The following SAMD4A variants were observed in gnomAD, a reference collection of about 807,000 sequenced individuals.
SAMD4A encodes the protein protein Smaug homolog 1.
In SAMD4A, 33 loss-of-function variants were observed where a neutral mutation model predicts 81.3. The observed-to-expected ratio is 0.41, with a 90% CI of 0.31 to 0.54. SAMD4A has a LOEUF of 0.54. Among genes scored for constraint, SAMD4A ranks in the 20% least tolerant of loss-of-function variants. The probability of loss-of-function intolerance (pLI) is 0.37; values close to 1 mark genes in which losing one functional copy is unlikely to be tolerated. For synonymous variants in SAMD4A, 389 were observed against 382.1 expected, an observed-to-expected ratio of 1.02 and a Z score of -0.21; for missense variants, 854 against 951.1, an observed-to-expected ratio of 0.90 and a Z score of 1.34.
chr14:54,784,768 C>CT (rs537530258), intron 12 of SAMD4A, 148 bp downstream of exon 12: 28 of 731,492 alleles, frequency 3.8e-5, no homozygotes, highest in Non-Finnish European at 6.4e-5. Context: ...AAAGAGTGGC[C>CT]TTAGGGTACT....
At chr14:54,745,598 G>A (rs2037948754) in intron 4 of SAMD4A, among the ~76,000 whole-genome samples, 2 of 152,300 alleles carry the variant, frequency 1.3e-5, no homozygotes, top group Middle Eastern at 3.4e-3. Flanking sequence ...CTTAATGGAA[G>A]GGTCATGTCT....
chr14:54,776,651 G>A (rs1467355176), intron 11 of SAMD4A, 111 bp downstream of exon 11: 1 of 1,263,088 alleles, frequency 7.9e-7, no homozygotes, highest in African/African-American at 1.6e-5. Context: ...GCATTCTTTG[G>A]AGCTTATAGA....
At chr14:54,747,059 G>A (rs1196810637) in intron 4 of SAMD4A, among the ~76,000 whole-genome samples, 1 of 152,196 alleles carries the variant, frequency 6.6e-6, no homozygotes, top group Non-Finnish European at 1.5e-5. Flanking sequence ...GCCATGTCCT[G>A]GACTCTTGAT....
At chr14:54,716,075 G>T (rs74696627) in intron 3 of SAMD4A, among the ~76,000 whole-genome samples, 2,077 of 152,256 alleles carry the variant, frequency 0.014, 68 homozygotes, top group East Asian at 0.13. Flanking sequence ...GAAGAAAAGT[G>T]GACTATTCGA....
chr14:54,607,812 G>A (rs1226228746), intron 2 of SAMD4A, among the ~76,000 whole-genome samples: 1 of 151,774 alleles, frequency 6.6e-6, no homozygotes, highest in Non-Finnish European at 1.5e-5. Context: ...TTTGGTATTT[G>A]ACTATTATAT....
At chr14:54,611,875 TAAAAA>T (rs1179117861) in intron 2 of SAMD4A, among the ~76,000 whole-genome samples, 1 of 120,194 alleles carries the variant, frequency 8.3e-6, no homozygotes, top group Non-Finnish European at 1.8e-5. Context: ...AGACTCTGTC[TAAAAA>T]AAAAAAAAAA....
At chr14:54,677,491 A>G (rs951559014) in intron 2 of SAMD4A, among the ~76,000 whole-genome samples, 1 of 152,230 alleles carries the variant, frequency 6.6e-6, no homozygotes, top group African/African-American at 2.4e-5. Flanking sequence ...TAATGGAGAA[A>G]ATCAGTGCAC....
At chr14:54,588,113 G>A (rs146679067) in intron 2 of SAMD4A, among the ~76,000 whole-genome samples, 2,209 of 152,208 alleles carry the variant, frequency 0.015, 46 homozygotes, top group African/African-American at 0.045. Context: ...TTTAATCTAG[G>A]AGGGTTGTAT....
At chr14:54,654,395 T>C (rs1245027310) in intron 2 of SAMD4A, among the ~76,000 whole-genome samples, 1 of 152,098 alleles carries the variant, frequency 6.6e-6, no homozygotes, top group Non-Finnish European at 1.5e-5. Flanking sequence ...AGGATTGTCT[T>C]TTTGTTTGCG....
At chr14:54,716,543 A>G (rs962227595) in intron 3 of SAMD4A, among the ~76,000 whole-genome samples, 1 of 152,094 alleles carries the variant, frequency 6.6e-6, no homozygotes, top group Non-Finnish European at 1.5e-5. Flanking sequence ...AAATCAAATT[A>G]TTTTCCCATT....
intron 8 of SAMD4A, among the ~76,000 whole-genome samples, chr14:54,765,928 T>C (rs1184773669): frequency 6.6e-6 from 1 of 151,844 alleles, no homozygotes; most frequent in African/African-American, 2.4e-5. Flanking sequence ...CAGTTTCTCC[T>C]CTTGGCCGTA....
At chr14:54,603,983 C>A (rs113098333) in intron 2 of SAMD4A, among the ~76,000 whole-genome samples, 28 of 152,242 alleles carry the variant, frequency 1.8e-4, no homozygotes, top group African/African-American at 6.3e-4. Context: ...TGCCACCATG[C>A]CCGGCTAATT....
At chr14:54,578,512 A>G (rs2033372200) in intron 2 of SAMD4A, among the ~76,000 whole-genome samples, 1 of 152,116 alleles carries the variant, frequency 6.6e-6, no homozygotes, top group Non-Finnish European at 1.5e-5. Context: ...GGAGTTCAAG[A>G]CCAGCTTGGC....
At chr14:54,754,814 GT>G (rs748316720) in intron 6 of SAMD4A, 69 of 987,660 alleles carry the variant, frequency 7.0e-5, no homozygotes, top group Non-Finnish European at 8.2e-5. Flanking sequence ...TGAGTTCTGT[GT>G]GCAGAGCTCT....
Position 54,702,189 on chromosome 14 carries a change from C to A in SAMD4A, c.324C>A (p.Ile108=). The part of the protein sequence containing the change: ...KVEYMKLLPK[I]LAHSIEHNQH... ...AATATATGAAACTGCTGCCCAAAAT[C>A]CTGGCTCACTCTATTGAACACAACC... is the stretch of plus-strand genomic sequence containing the variant. Residue 108 remains isoleucine, a synonymous_variant, in exon 3 of 13, where the codon ATC becomes ATA. Coordinates refer to ENST00000554335, the MANE Select transcript of SAMD4A (RefSeq NM_015589.6). 3 of 1,614,182 alleles carry A rather than the reference C, an allele frequency of 1.9e-6. No individual in the cohort carries two copies. Among genetic ancestry groups the A allele is most frequent in the South Asian group, 2.2e-5 (2 of 91,082 alleles).
At chr14:54,577,232 C>A (rs2033326510) in intron 2 of SAMD4A, among the ~76,000 whole-genome samples, 1 of 152,254 alleles carries the variant, frequency 6.6e-6, no homozygotes, top group African/African-American at 2.4e-5. Flanking sequence ...TACTGAGTCC[C>A]TGTACTTTCA....
chr14:54,644,265 T>G (rs2035238106), intron 2 of SAMD4A, among the ~76,000 whole-genome samples: 1 of 152,240 alleles, frequency 6.6e-6, no homozygotes, highest in African/African-American at 2.4e-5. Flanking sequence ...AATGCAAATC[T>G]TCTCAAAGAT....
intron 2 of SAMD4A, among the ~76,000 whole-genome samples, chr14:54,596,027 A>T (rs2033901813): frequency 6.6e-6 from 1 of 152,120 alleles, no homozygotes; most frequent in South Asian, 2.1e-4. Flanking sequence ...TCCTCTGTGG[A>T]ATTAGACTCC....
intron 3 of SAMD4A, among the ~76,000 whole-genome samples, chr14:54,714,555 T>C (rs572869286): frequency 7.2e-5 from 11 of 152,238 alleles, no homozygotes; most frequent in African/African-American, 2.4e-4. Flanking sequence ...TAAATTACAG[T>C]GCTAGGGGAG....
Sources: gnomAD v4.1 joint callset for allele counts (sites outside exome capture counted in the v4.1 genomes callset) on GRCh38, gnomAD v4.1.1 for gene constraint, MANE v1.5 for transcripts, NCBI Gene and HGNC (gene_info 2026-07-23, HGNC 2026-07-21) for gene names.